Variants in TTLL5 observed in about 807,000 individuals in gnomAD.
The protein encoded by TTLL5 is tubulin polyglutamylase TTLL5.
A neutral mutation model predicts 168.4 loss-of-function variants in TTLL5; 132 were observed. The observed-to-expected ratio is 0.78, with a 90% CI of 0.68 to 0.91. TTLL5 has a LOEUF of 0.91. TTLL5 is among the 40% of genes least tolerant of loss of function. The probability of loss-of-function intolerance (pLI) is 0.00; values close to 1 mark genes in which losing one functional copy is unlikely to be tolerated. For missense variants in TTLL5, 1,545 were observed against 1,581.5 expected, an observed-to-expected ratio of 0.98 and a Z score of 0.39; for synonymous variants, 546 against 558.6, an observed-to-expected ratio of 0.98 and a Z score of 0.32.
rs573917274 is a variant in TTLL5, at chr14:75,792,920, G to C, written c.2991G>C (p.Ser997=). ...LSRPSSAKAG[S]CYLNKHHSGI... ...AACTTTTCTCCGTTTTAGCAGGATC[G>C]TGCTATCTAAACAAGCATCATTCAG... Residue 997 remains serine (S), a synonymous_variant, in exon 27 of 32, where the codon TCG becomes TCC. Transcript: ENST00000298832. 2.5e-6 allele frequency: 4 copies of C among 1,592,766 alleles called. No individual in the cohort carries two copies. The East Asian group carries it at 9.0e-5, about 36-fold the overall frequency.
intron 31 of TTLL5, among the ~76,000 whole-genome samples, chr14:75,952,999 G>T (rs1020383035): frequency 2.0e-5 from 3 of 152,172 alleles, no homozygotes; most frequent in Non-Finnish European, 4.4e-5. Context: ...ACATGCTAAA[G>T]GAATGAATTG....
chr14:75,718,431 T>C (rs1887610807), intron 10 of TTLL5, among the ~76,000 whole-genome samples: 1 of 152,108 alleles, frequency 6.6e-6, no homozygotes, highest in Non-Finnish European at 1.5e-5. Context: ...TATTCGTAGG[T>C]GGAAAAAGCA....
At chr14:75,808,189 CTCTG>C (rs1447380482) in intron 27 of TTLL5, among the ~76,000 whole-genome samples, 1 of 152,142 alleles carries the variant, frequency 6.6e-6, no homozygotes, top group Non-Finnish European at 1.5e-5. Context: ...TGATCTGGAA[CTCTG>C]TCTGGATTTT....
intron 31 of TTLL5, among the ~76,000 whole-genome samples, chr14:75,947,997 C>T (rs936822330): frequency 1.7e-4 from 26 of 151,682 alleles, no homozygotes; most frequent in African/African-American, 5.6e-4. Context: ...ATCTCATAGG[C>T]GTGTATACAA....
chr14:75,827,707 CTTTTTTT>C lies in TTLL5; in HGVS notation c.3326+7571_3326+7577del, dbSNP rs561078439. Among the ~76,000 whole-genome samples the C allele has an allele frequency of 3.0e-3, 162 of 53,210 alleles. 1 individual carries two copies. Among genetic ancestry groups the C allele is most frequent in the African/African-American group, 0.011 (132 of 12,464 alleles). 34.9% of individuals were successfully genotyped at this position (53,210 alleles called of 152,430 possible). ...AATCAATACCACATTTGGCTTGGTTCTTTTTTTTTTTTTTTTTTTTTTTTTTTTTTTG... is the reference window on the plus strand; with the variant it reads ...AATCAATACCACATTTGGCTTGGTTCTTTTTTTTTTTTTTTTTTTTTTTTG... On this transcript the variant is annotated intron_variant, in intron 28 of 31. Transcript: ENST00000298832.
intron 31 of TTLL5, among the ~76,000 whole-genome samples, chr14:75,915,116 A>G (rs2033567942): frequency 1.3e-5 from 2 of 152,106 alleles, no homozygotes; most frequent in South Asian, 2.1e-4. Context: ...TCTCCCCTCT[A>G]CATCACCTAA....
chr14:75,928,606 TA>T (rs900223827), intron 31 of TTLL5, among the ~76,000 whole-genome samples: 6 of 151,154 alleles, frequency 4.0e-5, no homozygotes, highest in East Asian at 1.9e-4. Flanking sequence ...CTTATTACAC[TA>T]AAAAAAAGAC....
At chr14:75,903,900 TAA>T (rs778868581) in intron 31 of TTLL5, among the ~76,000 whole-genome samples, 45 of 130,674 alleles carry the variant, frequency 3.4e-4, no homozygotes, top group Admixed American at 5.5e-4. Context: ...ACCTCTAATT[TAA>T]AAAAAAAAAA....
intron 31 of TTLL5, among the ~76,000 whole-genome samples, chr14:75,908,987 A>G (rs1244826769): frequency 1.3e-5 from 2 of 151,966 alleles, no homozygotes; most frequent in African/African-American, 4.8e-5. Flanking sequence ...CATATTGCCC[A>G]GGCTGGTCTC....
At chr14:75,779,498 G>C in intron 23 of TTLL5, 77 bp from the exon 24 acceptor site, 1 of 1,577,278 alleles carries the variant, frequency 6.3e-7, no homozygotes, top group Non-Finnish European at 8.6e-7. Context: ...AGCTTGCTCT[G>C]TTTTCATAAT....
intron 14 of TTLL5, among the ~76,000 whole-genome samples, chr14:75,734,927 T>C (rs1888788180): frequency 1.3e-5 from 2 of 152,250 alleles, no homozygotes; most frequent in African/African-American, 4.8e-5. Flanking sequence ...TTCAAAAATC[T>C]ACATCTCTTT....
At chr14:75,914,389 C>T (rs1244984935) in intron 31 of TTLL5, among the ~76,000 whole-genome samples, 2 of 152,018 alleles carry the variant, frequency 1.3e-5, no homozygotes, top group Non-Finnish European at 2.9e-5. Flanking sequence ...ATACATAAAA[C>T]TTTTCTGAAA....
chr14:75,828,413 TCTTC>T (rs1895356422), intron 28 of TTLL5, among the ~76,000 whole-genome samples: 1 of 152,198 alleles, frequency 6.6e-6, no homozygotes, highest in African/African-American at 2.4e-5. Flanking sequence ...ATATTATTTC[TCTTC>T]CTTATGATTT....
At chr14:75,835,412 G>A (rs1895815068) in intron 28 of TTLL5, 1 of 152,184 alleles carries the variant, frequency 6.6e-6, no homozygotes, top group Admixed American at 6.5e-5. Context: ...GCCCTCATTA[G>A]ACTCTAATAT....
chr14:75,938,873 C>G (rs1193180703), intron 31 of TTLL5, among the ~76,000 whole-genome samples: 2 of 152,202 alleles, frequency 1.3e-5, no homozygotes, highest in African/African-American at 4.8e-5. Context: ...ACTGGCCACT[C>G]TCGGCTTCCT....
At position 75,757,100 on chromosome 14, in the gene TTLL5, C is replaced by G. The variant is rs1473837109; in HGVS notation, c.1550+4145C>G. ...TCAAGCAATTCTCCTGCCTCAGCCT[C>G]CCAAGTAGCTGGGATTACAGGTGCA... On this transcript the variant is annotated intron_variant, in intron 18 of 31. Coordinates refer to ENST00000298832, the MANE Select transcript of TTLL5 (RefSeq NM_015072.5). Among the ~76,000 whole-genome samples, 7 of 151,974 alleles carry G rather than the reference C, an allele frequency of 4.6e-5. No homozygotes were observed. The East Asian group carries it at 1.4e-3, about 29-fold the overall frequency.
At chr14:75,805,852 A>G (rs1256174735) in intron 27 of TTLL5, among the ~76,000 whole-genome samples, 1 of 152,092 alleles carries the variant, frequency 6.6e-6, no homozygotes, top group Non-Finnish European at 1.5e-5. Context: ...TTCTATGTCC[A>G]GGCAGTTGTC....
intron 31 of TTLL5, among the ~76,000 whole-genome samples, chr14:75,910,289 A>G (rs1326257601): frequency 6.6e-6 from 1 of 152,170 alleles, no homozygotes; most frequent in African/African-American, 2.4e-5. Flanking sequence ...CCTCTTGGAA[A>G]AAAATGCCTG....
At position 75,719,731 on chromosome 14, in the gene TTLL5, T is replaced by G. The variant is rs1887725182; in HGVS notation, c.843-4T>G. On this transcript the variant is annotated splice_polypyrimidine_tract_variant and splice_region_variant and intron_variant, in intron 10 of 31. Coordinates refer to ENST00000298832, the MANE Select transcript of TTLL5 (RefSeq NM_015072.5). The stretch of plus-strand genomic sequence containing the variant: ...TGTGACTTTGATTTATTAATTTGTT[T>G]TAGTTGTGACGATCCAGAAGTGGAG... The G allele has an allele frequency of 2.5e-6, 4 of 1,603,264 alleles. No individual in the cohort carries two copies. Among genetic ancestry groups the G allele is most frequent in the Non-Finnish European group, 2.6e-6 (3 of 1,176,152 alleles).
Sources: gnomAD v4.1 joint callset for allele counts (sites outside exome capture counted in the v4.1 genomes callset) on GRCh38, gnomAD v4.1.1 for gene constraint, MANE v1.5 for transcripts, NCBI Gene and HGNC (gene_info 2026-07-23, HGNC 2026-07-21) for gene names.